BTBD10: variants seen among roughly 807,000 people sequenced by gnomAD.
BTBD10 encodes BTB/POZ domain-containing protein 10.
A neutral mutation model predicts 53.2 loss-of-function variants in BTBD10; 21 were observed. The observed-to-expected ratio is 0.39, with a 90% CI of 0.28 to 0.57. The LOEUF is 0.57. Ranked by LOEUF, BTBD10 falls within the 20% of genes least tolerant of loss-of-function variation. The probability of loss-of-function intolerance (pLI) is 0.53; values close to 1 mark genes in which losing one functional copy is unlikely to be tolerated. For synonymous variants in BTBD10, 149 were observed against 192.7 expected (o/e 0.77, Z 1.88); for missense variants, 360 against 594.7 (o/e 0.61, Z 4.10).
intron 1 of BTBD10, among the ~76,000 whole-genome samples, chr11:13,456,302 T>G (rs1270298886): frequency 6.6e-6 from 1 of 152,150 alleles, no homozygotes; most frequent in Non-Finnish European, 1.5e-5. Context: ...AACTTCAATA[T>G]ATGATGAAGT....
At chr11:13,393,320 C>T (rs989611528) in intron 8 of BTBD10, among the ~76,000 whole-genome samples, 1 of 152,142 alleles carries the variant, frequency 6.6e-6, no homozygotes, top group African/African-American at 2.4e-5. Context: ...TCTGGTCCTC[C>T]TCATGTCTCT....
chr11:13,408,405 T>C (rs1332417742), intron 6 of BTBD10, among the ~76,000 whole-genome samples: 1 of 152,198 alleles, frequency 6.6e-6, no homozygotes, highest in Non-Finnish European at 1.5e-5. Flanking sequence ...AGCCCTGCTA[T>C]GTGAAAAAGA....
At chr11:13,439,483 C>G (rs1950608131) in intron 2 of BTBD10, among the ~76,000 whole-genome samples, 2 of 151,970 alleles carry the variant, frequency 1.3e-5, no homozygotes, top group Non-Finnish European at 2.9e-5. Context: ...TTAGTTCATT[C>G]AAATGTAAAA....
intron 4 of BTBD10, among the ~76,000 whole-genome samples, chr11:13,418,951 C>CTAACTACT (rs1164696059): frequency 6.9e-6 from 1 of 145,336 alleles, no homozygotes; most frequent in Non-Finnish European, 1.5e-5. Flanking sequence ...CTTCATTTTG[C>CTAACTACT]TAACTACTTG....
Position 13,396,928 on chromosome 11 carries a change from C to T in BTBD10, c.1117+6240G>A, listed in dbSNP as rs187945921. Among the ~76,000 whole-genome samples the T allele has an allele frequency of 6.2e-3, 946 of 152,274 alleles. 14 individuals are homozygous for T. The highest frequency in any genetic ancestry group is 0.021 in the African/African-American group (888 of 41,556). On this transcript the variant is annotated intron_variant, in intron 8 of 8. Transcript: ENST00000278174. ...GGTGGATAAGCTTTTTGATGTGTTG[C>T]TGGATTCGGTTTGCCAGAATTTTAT...
intron 1 of BTBD10, among the ~76,000 whole-genome samples, chr11:13,445,593 T>C (rs533547412): frequency 6.6e-6 from 1 of 152,292 alleles, no homozygotes; most frequent in African/African-American, 2.4e-5. Context: ...TAGGAAAGCA[T>C]GTAGTAAAAC....
chr11:13,413,241 T>C (rs1236476498), intron 6 of BTBD10, among the ~76,000 whole-genome samples: 1 of 152,064 alleles, frequency 6.6e-6, no homozygotes, highest in African/African-American at 2.4e-5. Flanking sequence ...AGGATCCAAA[T>C]CTAGGAGATA....
chr11:13,461,326 G>T (rs905976717), intron 1 of BTBD10, among the ~76,000 whole-genome samples: 2 of 152,104 alleles, frequency 1.3e-5, no homozygotes, highest in African/African-American at 4.8e-5. Context: ...CTAGATTTCC[G>T]AGTTCTCTTG....
At chr11:13,414,408 C>G (rs1950042281) in intron 5 of BTBD10, among the ~76,000 whole-genome samples, 1 of 152,122 alleles carries the variant, frequency 6.6e-6, no homozygotes, top group African/African-American at 2.4e-5. Context: ...AATCTCAGAA[C>G]TTTGGGAGGC....
chr11:13,395,768 T>C (rs898084259), intron 8 of BTBD10, among the ~76,000 whole-genome samples: 4 of 152,246 alleles, frequency 2.6e-5, no homozygotes, highest in African/African-American at 9.6e-5. Context: ...GCTAGCCAGT[T>C]TTCCCAGCAC....
chr11:13,452,695 G>A (rs1264342765), intron 1 of BTBD10, among the ~76,000 whole-genome samples: 1 of 152,074 alleles, frequency 6.6e-6, no homozygotes, highest in Non-Finnish European at 1.5e-5. Flanking sequence ...TAATGAAGAC[G>A]TTTTAGAATC....
intron 8 of BTBD10, among the ~76,000 whole-genome samples, chr11:13,399,491 A>G (rs1949654352): frequency 6.6e-6 from 1 of 152,050 alleles, no homozygotes; most frequent in Non-Finnish European, 1.5e-5. Flanking sequence ...CATTGGATTG[A>G]ACTTCCTCCT....
At chr11:13,391,935 C>G (rs749855392) in intron 8 of BTBD10, among the ~76,000 whole-genome samples, 153 of 152,096 alleles carry the variant, frequency 1.0e-3, no homozygotes, top group Non-Finnish European at 1.2e-3. Context: ...AGAGCGAGAC[C>G]CTGTCAGATA....
intron 1 of BTBD10, among the ~76,000 whole-genome samples, chr11:13,458,225 C>G (rs1377261739): frequency 1.3e-5 from 2 of 151,278 alleles, no homozygotes; most frequent in Non-Finnish European, 2.9e-5. Flanking sequence ...GATGCCATAC[C>G]ACTTTAAAAT....
Position 13,399,607 on chromosome 11 carries a change from G to C in BTBD10, c.1117+3561C>G, listed in dbSNP as rs535781004. Among the ~76,000 whole-genome samples, 15 of 152,256 alleles carry C rather than the reference G, an allele frequency of 9.9e-5. No homozygotes were observed. The South Asian group carries it at 3.1e-3, about 32-fold the overall frequency. On this transcript the variant is annotated intron_variant, in intron 8 of 8. Coordinates refer to ENST00000278174, the MANE Select transcript of BTBD10 (RefSeq NM_032320.7). Reference sequence around the variant, plus strand: ...GCTGGTGAGGAGCTGCATTCCTTTGGAGGAGGAGAGGCGCTCTGATTTTTA... The same window carrying C: ...GCTGGTGAGGAGCTGCATTCCTTTGCAGGAGGAGAGGCGCTCTGATTTTTA...
intron 2 of BTBD10, among the ~76,000 whole-genome samples, chr11:13,438,272 T>C (rs10832035): frequency 0.13 from 19,402 of 152,066 alleles, 1,557 homozygotes; most frequent in South Asian, 0.32. Context: ...TCTTAGCTAT[T>C]TGCTTTGCTT....
At chr11:13,461,773 T>A (rs1040946953) in intron 1 of BTBD10, among the ~76,000 whole-genome samples, 2 of 152,218 alleles carry the variant, frequency 1.3e-5, no homozygotes, top group African/African-American at 4.8e-5. Flanking sequence ...GATTGAACAC[T>A]GTTACTCTCT....
intron 8 of BTBD10, among the ~76,000 whole-genome samples, chr11:13,389,364 A>T (rs1224245163): frequency 6.6e-6 from 1 of 152,156 alleles, no homozygotes. Flanking sequence ...TACTCAATAT[A>T]TCAACCATCA....
At chr11:13,401,990 G>A (rs1221197253) in intron 8 of BTBD10, among the ~76,000 whole-genome samples, 3 of 152,106 alleles carry the variant, frequency 2.0e-5, no homozygotes, top group Non-Finnish European at 1.5e-5. Context: ...TTGTCACCAG[G>A]CCTCCCCTTG....
Sources: allele counts gnomAD v4.1 joint callset (sites outside exome capture counted in the v4.1 genomes callset), GRCh38; gene constraint gnomAD v4.1.1; transcripts MANE v1.5; gene names NCBI Gene and HGNC (gene_info 2026-07-23, HGNC 2026-07-21).